The following GPHN variants were observed in gnomAD, a reference collection of about 807,000 sequenced individuals.
GPHN encodes the protein gephyrin.
In GPHN, 17 loss-of-function variants were observed where a neutral mutation model predicts 95.5. That is an observed-to-expected ratio of 0.18 (90% confidence interval 0.12 to 0.27). The LOEUF is 0.27. Among genes scored for constraint, GPHN ranks in the 10% least tolerant of loss-of-function variants. The pLI is 1.00. For synonymous variants in GPHN, 320 were observed against 322.5 expected (o/e 0.99, Z 0.08); for missense variants, 660 against 978.1 (o/e 0.67, Z 4.34).
chr14:66,510,050 A>T (rs1054263021), intron 1 of GPHN, among the ~76,000 whole-genome samples: 1 of 152,200 alleles, frequency 6.6e-6, no homozygotes, highest in Non-Finnish European at 1.5e-5. Context: ...AAACTAGTCT[A>T]AACCAGTTGC....
chr14:67,607,427 C>T, the GPHN span, among the ~76,000 whole-genome samples: 106 of 152,238 alleles, frequency 7.0e-4, no homozygotes, highest in Middle Eastern at 0.014. Flanking sequence ...AGTCCAGTGG[C>T]GCGATCTCGG....
chr14:67,008,907 C>T (rs1187728714), intron 9 of GPHN, among the ~76,000 whole-genome samples: 1 of 152,048 alleles, frequency 6.6e-6, no homozygotes, highest in African/African-American at 2.4e-5. Context: ...AAGACAGTTC[C>T]AGATCAGGGG....
chr14:67,170,615 C>T (rs2082546246), intron 21 of GPHN, among the ~76,000 whole-genome samples: 1 of 152,154 alleles, frequency 6.6e-6, no homozygotes, highest in African/African-American at 2.4e-5. Context: ...TGTAATCAGA[C>T]TGATGCTTGA....
At chr14:67,373,842 A>AGT in the GPHN span, among the ~76,000 whole-genome samples, 16,955 of 145,642 alleles carry the variant, frequency 0.12, 1,003 homozygotes, top group Middle Eastern at 0.22. Context: ...TAATTTGTTC[A>AGT]GTGTGTGTGT....
chr14:66,916,759 A>T (rs1490354854), intron 6 of GPHN, among the ~76,000 whole-genome samples: 3 of 152,254 alleles, frequency 2.0e-5, no homozygotes, highest in African/African-American at 7.2e-5. Context: ...TCCTCCAACT[A>T]GTTAAGGGCA....
chr14:66,788,115 C>A (rs1426652847), intron 3 of GPHN, among the ~76,000 whole-genome samples: 2 of 148,570 alleles, frequency 1.3e-5, no homozygotes, highest in Admixed American at 6.7e-5. Flanking sequence ...GGATTACCAA[C>A]CTGGCCAACA....
chr14:67,190,692 G>A, the GPHN span, among the ~76,000 whole-genome samples: 354 of 152,204 alleles, frequency 2.3e-3, no homozygotes, highest in African/African-American at 8.3e-3. Flanking sequence ...TGAAAGGTTG[G>A]GCATGGGGAT....
intron 2 of GPHN, among the ~76,000 whole-genome samples, chr14:66,748,660 T>C (rs1026666493): frequency 3.3e-5 from 5 of 152,000 alleles, no homozygotes; most frequent in African/African-American, 1.2e-4. Flanking sequence ...CCAAATTGTT[T>C]CTGATTTTGG....
At position 66,758,499 on chromosome 14, in the gene GPHN, A is replaced by G. The variant is rs181494990; in HGVS notation, c.144-17965A>G. On this transcript the variant is annotated intron_variant, in intron 2 of 22. Coordinates refer to ENST00000478722, the MANE Select transcript of GPHN (RefSeq NM_020806.5). ...CCAGTAAAAGGGAGCCATCGTTTGA[A>G]GCTACAGTTGCGTGACCATTTTGAG... Among the ~76,000 whole-genome samples, 44 of 152,312 alleles carry G rather than the reference A, an allele frequency of 2.9e-4. No homozygotes were observed. The East Asian group carries it at 7.7e-3, about 27-fold the overall frequency.
chr14:67,667,596 G>C, the GPHN span, among the ~76,000 whole-genome samples: 1,055 of 152,318 alleles, frequency 6.9e-3, 10 homozygotes, highest in African/African-American at 0.023. Context: ...CATTGTTTCT[G>C]AAAGTAAATA....
At chr14:67,716,700 A>G in the GPHN span, among the ~76,000 whole-genome samples, 1 of 152,160 alleles carries the variant, frequency 6.6e-6, no homozygotes, top group African/African-American at 2.4e-5. Context: ...CCTGGTTAAC[A>G]TGGTGAAACC....
chr14:67,611,527 A>G, the GPHN span, among the ~76,000 whole-genome samples: 1 of 152,052 alleles, frequency 6.6e-6, no homozygotes, highest in Admixed American at 6.5e-5. Context: ...TCAGCCTCCC[A>G]AAGGGCTGGG....
At chr14:67,237,850 C>T in the GPHN span, among the ~76,000 whole-genome samples, 9 of 152,190 alleles carry the variant, frequency 5.9e-5, no homozygotes, top group East Asian at 3.9e-4. Flanking sequence ...TGCTTTCTGA[C>T]GAGGATGAAC....
At chr14:67,590,249 A>ATTTT in the GPHN span, 43 of 733,302 alleles carry the variant, frequency 5.9e-5, no homozygotes, top group South Asian at 7.9e-5. Flanking sequence ...CCACTTGCAA[A>ATTTT]TTTTTTTTTT....
intron 10 of GPHN, among the ~76,000 whole-genome samples, chr14:67,056,813 G>A (rs574516812): frequency 1.6e-5 from 2 of 128,488 alleles, no homozygotes; most frequent in Non-Finnish European, 3.4e-5. Context: ...AGTGGGGGTG[G>A]GGGGGGGTCA....
intron 3 of GPHN, among the ~76,000 whole-genome samples, chr14:66,822,527 G>T (rs2061238305): frequency 1.3e-5 from 2 of 152,210 alleles, no homozygotes; most frequent in African/African-American, 4.8e-5. Flanking sequence ...ATCTGAGTCA[G>T]TGTTCCTCTT....
intron 10 of GPHN, among the ~76,000 whole-genome samples, chr14:67,034,947 A>C (rs1174399216): frequency 6.6e-6 from 1 of 152,122 alleles, no homozygotes; most frequent in African/African-American, 2.4e-5. Flanking sequence ...TATTCCACCC[A>C]ACAATAGTAA....
chr14:67,141,130 A>G (rs892130936), intron 17 of GPHN, among the ~76,000 whole-genome samples: 16 of 152,076 alleles, frequency 1.1e-4, no homozygotes, highest in African/African-American at 3.4e-4. Flanking sequence ...CCATTTTTCA[A>G]ACTTTTACTT....
intron 2 of GPHN, among the ~76,000 whole-genome samples, chr14:66,751,613 T>C (rs2058366241): frequency 6.6e-6 from 1 of 152,162 alleles, no homozygotes; most frequent in Admixed American, 6.6e-5. Context: ...ATGCATAGTT[T>C]GCAAAAATTT....
Sources: allele counts gnomAD v4.1 joint callset (sites outside exome capture counted in the v4.1 genomes callset), GRCh38; gene constraint gnomAD v4.1.1; transcripts MANE v1.5; gene names NCBI Gene and HGNC (gene_info 2026-07-23, HGNC 2026-07-21).